Variants in LIPC observed in about 807,000 individuals in gnomAD.
LIPC encodes the protein hepatic triacylglycerol lipase.
Under a neutral mutation model 50.7 loss-of-function variants are expected in LIPC, and 44 were observed. The ratio of observed to expected loss-of-function variants is 0.87; its 90% CI spans 0.68 to 1.11. The LOEUF (loss-of-function observed/expected upper bound fraction) is 1.11, where lower values mean the gene tolerates loss of function less well. LIPC is among the 50% of genes most tolerant of loss of function. LIPC has a pLI of 0.00. For synonymous variants in LIPC, 271 were observed against 256.4 expected (o/e 1.06, Z -0.54); for missense variants, 697 against 648.2 (o/e 1.08, Z -0.82).
chr15:58,535,853 A>G (rs1277615517), intron 1 of LIPC, among the ~76,000 whole-genome samples: 1 of 152,226 alleles, frequency 6.6e-6, no homozygotes, highest in Non-Finnish European at 1.5e-5. Flanking sequence ...TCCTAAAATG[A>G]AGAAAGGTGT....
intron 1 of LIPC, among the ~76,000 whole-genome samples, chr15:58,504,716 A>G (rs925352140): frequency 2.6e-5 from 4 of 152,240 alleles, no homozygotes; most frequent in Non-Finnish European, 5.9e-5. Flanking sequence ...CATTATTGTC[A>G]GAAACAAGAC....
chr15:58,559,390 T>G (rs1894072646), intron 6 of LIPC, among the ~76,000 whole-genome samples: 1 of 152,218 alleles, frequency 6.6e-6, no homozygotes, highest in Non-Finnish European at 1.5e-5. Context: ...ATTCGTGGAT[T>G]AACCATTGTC....
chr15:58,544,443 T>C (rs1402521395), intron 4 of LIPC, among the ~76,000 whole-genome samples: 1 of 135,342 alleles, frequency 7.4e-6, no homozygotes, highest in Non-Finnish European at 1.5e-5. Context: ...TTGCCCAGGC[T>C]ACAGGGCAGT....
chr15:58,455,337 T>C (rs1178287178), intron 1 of LIPC, among the ~76,000 whole-genome samples: 1 of 152,224 alleles, frequency 6.6e-6, no homozygotes, highest in Admixed American at 6.5e-5. Flanking sequence ...CAAATGGACC[T>C]GGCTGTGTTC....
At chr15:58,534,094 G>A (rs1262121385) in intron 1 of LIPC, among the ~76,000 whole-genome samples, 4 of 152,200 alleles carry the variant, frequency 2.6e-5, no homozygotes, top group Non-Finnish European at 5.9e-5. Context: ...AGAGATGAAT[G>A]ACGGTGTTAT....
chr15:58,461,714 C>T (rs12904507), intron 1 of LIPC, among the ~76,000 whole-genome samples: 20,479 of 151,816 alleles, frequency 0.13, 1,424 homozygotes, highest in Non-Finnish European at 0.17. Context: ...CACTGGGCCC[C>T]GCCACCTATG....
intron 6 of LIPC, 118 bp from the exon 7 acceptor site, chr15:58,560,743 ATAT>A (rs1204227550): frequency 1.6e-6 from 1 of 641,016 alleles, no homozygotes; most frequent in Non-Finnish European, 2.8e-6. Context: ...TGTTGTTAAC[ATAT>A]TAATATCTAT....
chr15:58,441,494 G>T lies in LIPC; in HGVS notation c.88+9374G>T, dbSNP rs76563698. Among the ~76,000 whole-genome samples, 1,398 of 152,256 alleles carry T rather than the reference G, an allele frequency of 9.2e-3. 6 individuals are homozygous for T. The highest frequency in any genetic ancestry group is 0.031 in the Middle Eastern group (9 of 294). ...TAGCCCTGTAAAGAATATTGGGTAG[G>T]AATTCTTATTCCCATTTTAGAGACG... On this transcript the variant is annotated intron_variant, in intron 1 of 8. Transcript: ENST00000299022.
At chr15:58,531,171 G>C (rs1327152303) in intron 1 of LIPC, among the ~76,000 whole-genome samples, 1 of 152,262 alleles carries the variant, frequency 6.6e-6, no homozygotes, top group East Asian at 1.9e-4. Context: ...CATTCTAAAG[G>C]GAGAGAAGTG....
At chr15:58,549,767 AGTT>A in intron 6 of LIPC, among the ~76,000 whole-genome samples, 1 of 152,304 alleles carries the variant, frequency 6.6e-6, no homozygotes, top group East Asian at 1.9e-4. Context: ...TCTGAAGAGT[AGTT>A]GGTGTGAGGG....
intron 1 of LIPC, among the ~76,000 whole-genome samples, chr15:58,499,896 T>C (rs1193681240): frequency 2.6e-5 from 4 of 152,156 alleles, no homozygotes; most frequent in Non-Finnish European, 5.9e-5. Flanking sequence ...CCCCTCACAA[T>C]GCCAGTGGAT....
At chr15:58,485,107 G>C (rs1280973117) in intron 1 of LIPC, among the ~76,000 whole-genome samples, 5 of 152,212 alleles carry the variant, frequency 3.3e-5, no homozygotes, top group African/African-American at 9.7e-5. Flanking sequence ...TAACAGCTTT[G>C]GCAGGGGTAA....
chr15:58,527,734 C>T (rs1383003004), intron 1 of LIPC, among the ~76,000 whole-genome samples: 2 of 152,224 alleles, frequency 1.3e-5, no homozygotes, highest in Admixed American at 1.3e-4. Flanking sequence ...AGTGTATTCA[C>T]AATCCCTGAC....
intron 1 of LIPC, among the ~76,000 whole-genome samples, chr15:58,535,762 C>T (rs939842851): frequency 1.3e-5 from 2 of 152,152 alleles, no homozygotes; most frequent in Admixed American, 6.5e-5. Flanking sequence ...TTATTTAATC[C>T]TCCTAACAAC....
intron 1 of LIPC, among the ~76,000 whole-genome samples, chr15:58,532,884 A>G (rs559310293): frequency 6.6e-6 from 1 of 152,370 alleles, no homozygotes; most frequent in South Asian, 2.1e-4. Flanking sequence ...AACTAGGAAT[A>G]GAAAAATCAC....
chr15:58,558,647 G>A (rs1323801956), intron 6 of LIPC, among the ~76,000 whole-genome samples: 2 of 3,098 alleles, frequency 6.5e-4, no homozygotes, highest in Non-Finnish European at 5.5e-3. Flanking sequence ...AGAATCTAAT[G>A]CCTGATGATC....
intron 1 of LIPC, among the ~76,000 whole-genome samples, chr15:58,479,348 C>T (rs973558378): frequency 6.6e-6 from 1 of 152,186 alleles, no homozygotes; most frequent in African/African-American, 2.4e-5. Context: ...TCTAGTGTTC[C>T]TAAGATAAAG....
intron 1 of LIPC, among the ~76,000 whole-genome samples, chr15:58,491,058 T>C (rs758584509): frequency 1.3e-5 from 2 of 151,800 alleles, no homozygotes; most frequent in Non-Finnish European, 2.9e-5. Flanking sequence ...AATCTGGAGG[T>C]CAAGGAACAA....
chr15:58,496,296 C>G (rs911031340), intron 1 of LIPC, among the ~76,000 whole-genome samples: 1 of 152,136 alleles, frequency 6.6e-6, no homozygotes, highest in Non-Finnish European at 1.5e-5. Context: ...TCATGTGGCC[C>G]AAAATGTCAA....
Sources: allele counts gnomAD v4.1 joint callset (sites outside exome capture counted in the v4.1 genomes callset), GRCh38; gene constraint gnomAD v4.1.1; transcripts MANE v1.5; gene names NCBI Gene and HGNC (gene_info 2026-07-23, HGNC 2026-07-21).